FHOD3: variants seen among roughly 807,000 people sequenced by gnomAD.
FHOD3 encodes FH1/FH2 domain-containing protein 3.
Under a neutral mutation model 173.0 loss-of-function variants are expected in FHOD3, and 90 were observed. The ratio of observed to expected loss-of-function variants is 0.52; its 90% CI spans 0.44 to 0.62. FHOD3 has a LOEUF of 0.62. FHOD3 is among the 20% of genes least tolerant of loss of function. The pLI, the probability that FHOD3 is intolerant of heterozygous loss-of-function variation, is 0.00. For missense variants in FHOD3, 1,945 were observed against 2,034.7 expected (o/e 0.96, Z 0.85); for synonymous variants, 828 against 823.0 (o/e 1.01, Z -0.10).
At chr18:36,436,788 A>G (rs1312248686) in intron 3 of FHOD3, among the ~76,000 whole-genome samples, 1 of 152,244 alleles carries the variant, frequency 6.6e-6, no homozygotes, top group South Asian at 2.1e-4. Context: ...TGAAAGATTC[A>G]AGGTGTGTTT....
chr18:36,657,844 G>T (rs189539165), intron 13 of FHOD3, among the ~76,000 whole-genome samples: 1 of 152,216 alleles, frequency 6.6e-6, no homozygotes, highest in East Asian at 1.9e-4. Flanking sequence ...TAAACCCTTT[G>T]TCATAAATCT....
At position 36,681,548 on chromosome 18, in the gene FHOD3, C is replaced by T. The variant is rs9964535; in HGVS notation, c.1948C>T (p.Arg650Trp). 16,510 of 1,613,050 alleles carry T rather than the reference C, an allele frequency of 0.01. 140 individuals are homozygous for T. Among genetic ancestry groups the T allele is most frequent in the African/African-American group, 0.012 (913 of 74,798 alleles). ...AGAAGAAAGGTTGCAGAGAATAGAG[C>T]GGGAAGAAAGAAACAAATTCAGGTA... ...EREERLQRIEREERNKFSRDY... is the reference protein window; with the variant it reads ...EREERLQRIEWEERNKFSRDY... Residue 650 changes from arginine (R) to tryptophan (W), a missense_variant, in exon 15 of 29, where the codon CGG becomes TGG. Physicochemically the swap from Arg to Trp is moderately radical, Grantham distance 101. This residue lies in a region of FHOD3 where 1,099 missense variants were observed against 1,051.2 expected (regional missense o/e 1.05). Coordinates refer to ENST00000590592, the MANE Select transcript of FHOD3 (RefSeq NM_001281740.3).
chr18:36,652,165 A>G (rs1385631399), intron 11 of FHOD3, among the ~76,000 whole-genome samples: 3 of 152,238 alleles, frequency 2.0e-5, no homozygotes, highest in Non-Finnish European at 4.4e-5. Context: ...CAGATCTGCT[A>G]TTTGACCAAG....
intron 3 of FHOD3, among the ~76,000 whole-genome samples, chr18:36,384,199 T>G: frequency 6.6e-6 from 1 of 151,884 alleles, no homozygotes; most frequent in East Asian, 1.9e-4. Context: ...GCTAACATGG[T>G]GAAAACCCAT....
intron 3 of FHOD3, among the ~76,000 whole-genome samples, chr18:36,375,422 T>C (rs1205135635): frequency 1.3e-5 from 2 of 152,188 alleles, no homozygotes; most frequent in African/African-American, 4.8e-5. Context: ...CCACCCACGA[T>C]TGGACTGGAA....
At chr18:36,610,591 C>T (rs2032572521) in intron 8 of FHOD3, among the ~76,000 whole-genome samples, 1 of 152,196 alleles carries the variant, frequency 6.6e-6, no homozygotes, top group African/African-American at 2.4e-5. Flanking sequence ...TCATTAGTTT[C>T]TGATCTCAAT....
chr18:36,674,258 C>A (rs535931267), intron 14 of FHOD3, among the ~76,000 whole-genome samples: 1 of 152,360 alleles, frequency 6.6e-6, no homozygotes, highest in South Asian at 2.1e-4. Flanking sequence ...AGCCTCAGTG[C>A]AGTGACAGCC....
intron 3 of FHOD3, among the ~76,000 whole-genome samples, chr18:36,379,206 G>A (rs2047613100): frequency 6.6e-6 from 1 of 152,216 alleles, no homozygotes; most frequent in Non-Finnish European, 1.5e-5. Flanking sequence ...GAGAGGTAGC[G>A]TGGAACCTTC....
chr18:36,685,263 G>A (rs887106327), intron 15 of FHOD3, among the ~76,000 whole-genome samples: 2 of 152,200 alleles, frequency 1.3e-5, no homozygotes, highest in African/African-American at 4.8e-5. Context: ...AACACAGAGA[G>A]ACCTTGGCAA....
At position 36,437,584 on chromosome 18, in the gene FHOD3, C is replaced by A. The variant is rs369262725; in HGVS notation, c.338-64348C>A. Reference sequence around the variant, plus strand: ...TTATTTTTACTGTTTTTTACAAAAGCATTGGTCAGCAATGGACTTGAAATG... The same window carrying A: ...TTATTTTTACTGTTTTTTACAAAAGAATTGGTCAGCAATGGACTTGAAATG... On this transcript the variant is annotated intron_variant, in intron 3 of 28. Transcript: ENST00000590592. Among the ~76,000 whole-genome samples, 10 of 151,156 alleles carry A rather than the reference C, an allele frequency of 6.6e-5. 1 individual carries two copies. The highest frequency in any genetic ancestry group is 3.3e-4 in the Admixed American group (5 of 15,196).
chr18:36,400,843 G>A (rs778469523), intron 3 of FHOD3, among the ~76,000 whole-genome samples: 9 of 152,168 alleles, frequency 5.9e-5, no homozygotes, highest in South Asian at 2.1e-4. Flanking sequence ...GACCCATCCC[G>A]GAAGCAGAAT....
chr18:36,374,986 T>TTTG (rs1207346659), intron 3 of FHOD3, among the ~76,000 whole-genome samples: 5 of 152,238 alleles, frequency 3.3e-5, no homozygotes, highest in African/African-American at 7.2e-5. Context: ...AAGTTTTTCC[T>TTTG]TTGTATTAAA....
At chr18:36,495,307 T>G (rs984383636) in intron 3 of FHOD3, among the ~76,000 whole-genome samples, 1 of 152,074 alleles carries the variant, frequency 6.6e-6, no homozygotes, top group African/African-American at 2.4e-5. Flanking sequence ...GCTCAGCACC[T>G]TTTTTTCCTT....
At chr18:36,629,718 A>T (rs1599950049) in intron 10 of FHOD3, among the ~76,000 whole-genome samples, 1 of 152,102 alleles carries the variant, frequency 6.6e-6, no homozygotes, top group Middle Eastern at 3.4e-3. Flanking sequence ...AGGAAGATTG[A>T]GGGGTCGGAG....
In FHOD3 at chr18:36,745,218, A is replaced by G. The variant is rs1600524604; in HGVS notation, c.4041+1025A>G. On this transcript the variant is annotated intron_variant, in intron 23 of 28. Coordinates refer to ENST00000590592, the MANE Select transcript of FHOD3 (RefSeq NM_001281740.3). ...CCAGAGCCACAGGCTGGCCTCTGCC[A>G]GGTGCACCGAGCAGGGGACCCTGAA... Among the ~76,000 whole-genome samples the G allele has an allele frequency of 1.3e-5, 2 of 152,288 alleles. 1 individual carries two copies. Among genetic ancestry groups the G allele is most frequent in the South Asian group, 4.1e-4 (2 of 4,822 alleles).
Position 36,406,715 on chromosome 18 carries a change from A to G in FHOD3, c.337+33971A>G, listed in dbSNP as rs74564990. Among the ~76,000 whole-genome samples the G allele has an allele frequency of 4.1e-3, 620 of 152,300 alleles. 3 individuals carry two copies. The highest frequency in any genetic ancestry group is 0.014 in the African/African-American group (586 of 41,546). ...GGAATTTTGGAATTATTGATAGTGCATATTCTGGCGGGCAGCTTGAGTCAG... is the reference window on the plus strand; with the variant it reads ...GGAATTTTGGAATTATTGATAGTGCGTATTCTGGCGGGCAGCTTGAGTCAG... On this transcript the variant is annotated intron_variant, in intron 3 of 28. Transcript: ENST00000590592.
chr18:36,508,632 T>TAACAATG (rs2146227790), intron 4 of FHOD3, among the ~76,000 whole-genome samples: 1 of 97,068 alleles, frequency 1.0e-5, no homozygotes, highest in Admixed American at 1.1e-4. Flanking sequence ...CACTACAAAA[T>TAACAATG]AACAATGGAT....
chr18:36,727,002 G>A (rs551469807), intron 19 of FHOD3, among the ~76,000 whole-genome samples: 1 of 152,062 alleles, frequency 6.6e-6, no homozygotes, highest in Non-Finnish European at 1.5e-5. Context: ...AGAGTAGGAT[G>A]GATGGATGGA....
chr18:36,690,245 T>C (rs1173721308), intron 16 of FHOD3, among the ~76,000 whole-genome samples: 1 of 152,108 alleles, frequency 6.6e-6, no homozygotes, highest in Non-Finnish European at 1.5e-5. Flanking sequence ...AATAAATAAA[T>C]GAAAAGATGA....
Sources: gnomAD v4.1 joint callset for allele counts (sites outside exome capture counted in the v4.1 genomes callset) on GRCh38, gnomAD v4.1.1 for gene constraint, gnomAD v4.1.1 regional missense constraint, MANE v1.5 for transcripts, NCBI Gene and HGNC (gene_info 2026-07-23, HGNC 2026-07-21) for gene names.